ARHGAP24: variants seen among roughly 807,000 people sequenced by gnomAD.
ARHGAP24 encodes the protein Rho GTPase activating protein 24.
Under a neutral mutation model 76.4 loss-of-function variants are expected in ARHGAP24, and 50 were observed. That is an observed-to-expected ratio of 0.65 (90% confidence interval 0.52 to 0.83). ARHGAP24 has a LOEUF of 0.83. Ranked by LOEUF, ARHGAP24 falls within the 40% of genes least tolerant of loss-of-function variation. ARHGAP24 has a pLI of 0.00. For missense variants in ARHGAP24, 930 were observed against 914.2 expected (o/e 1.02, Z -0.22); for synonymous variants, 345 against 323.3 (o/e 1.07, Z -0.72).
At chr4:85,886,787 TACTCC>T (rs1378010288) in intron 3 of ARHGAP24, among the ~76,000 whole-genome samples, 1 of 152,156 alleles carries the variant, frequency 6.6e-6, no homozygotes, top group Non-Finnish European at 1.5e-5. Context: ...TTAACCCCTA[TACTCC>T]ACACTGATAT....
At chr4:85,749,803 G>T (rs1726188997) in intron 3 of ARHGAP24, among the ~76,000 whole-genome samples, 1 of 152,140 alleles carries the variant, frequency 6.6e-6, no homozygotes, top group African/African-American at 2.4e-5. Context: ...CTGACCTCAG[G>T]TGATTCACCC....
chr4:85,886,291 T>C (rs1218473833), intron 3 of ARHGAP24, among the ~76,000 whole-genome samples: 1 of 152,182 alleles, frequency 6.6e-6, no homozygotes, highest in Non-Finnish European at 1.5e-5. Flanking sequence ...CCATGTGAAA[T>C]ACAAAATGTG....
At chr4:85,774,868 C>T (rs1346572452) in intron 3 of ARHGAP24, among the ~76,000 whole-genome samples, 1 of 152,114 alleles carries the variant, frequency 6.6e-6, no homozygotes, top group Admixed American at 6.6e-5. Context: ...GTAGCTCATG[C>T]AGAAAGTATA....
intron 8 of ARHGAP24, among the ~76,000 whole-genome samples, chr4:85,980,158 A>G (rs1307732724): frequency 6.6e-6 from 1 of 152,248 alleles, no homozygotes; most frequent in East Asian, 1.9e-4. Context: ...GCTTAGTGCC[A>G]GTGATACTCA....
chr4:85,900,084 C>CA lies in ARHGAP24; in HGVS notation c.269-23562dup, dbSNP rs1321208184. Among the ~76,000 whole-genome samples the CA allele has an allele frequency of 9.2e-5, 14 of 152,266 alleles. No individual in the cohort carries two copies. In the East Asian group the frequency reaches 2.7e-3, roughly 29 times the overall value. On this transcript the variant is annotated intron_variant, in intron 3 of 9. Transcript: ENST00000395184. The stretch of plus-strand genomic sequence containing the variant: ...TTGTATATTAAAATGTTTATGCTGT[C>CA]AACCTGTGGTGCAAAGTAAAATTGA...
intron 2 of ARHGAP24, among the ~76,000 whole-genome samples, chr4:85,574,498 A>G (rs1015444319): frequency 1.3e-5 from 2 of 152,212 alleles, no homozygotes; most frequent in South Asian, 4.1e-4. Context: ...GAGGAAAGAC[A>G]TGGAGTTGTA....
chr4:85,577,796 T>C (rs1326113195), intron 2 of ARHGAP24, among the ~76,000 whole-genome samples: 17 of 152,190 alleles, frequency 1.1e-4, no homozygotes, highest in Admixed American at 3.3e-4. Flanking sequence ...TAATTTAACC[T>C]GAGAAATGAA....
At chr4:85,910,893 C>A (rs1560712264) in intron 3 of ARHGAP24, among the ~76,000 whole-genome samples, 1 of 152,186 alleles carries the variant, frequency 6.6e-6, no homozygotes, top group Non-Finnish European at 1.5e-5. Flanking sequence ...GGTGGGGCCT[C>A]ACCCGAGACC....
intron 4 of ARHGAP24, among the ~76,000 whole-genome samples, chr4:85,940,321 C>T (rs956501871): frequency 6.6e-6 from 1 of 151,790 alleles, no homozygotes; most frequent in African/African-American, 2.4e-5. Flanking sequence ...TTAGCCTTTC[C>T]CTTGTGATTG....
intron 3 of ARHGAP24, among the ~76,000 whole-genome samples, chr4:85,734,086 A>G (rs1418683129): frequency 6.6e-6 from 1 of 152,342 alleles, no homozygotes; most frequent in African/African-American, 2.4e-5. Context: ...TCACCACACT[A>G]TAATCCAGAA....
At chr4:85,899,395 T>C (rs1209632934) in intron 3 of ARHGAP24, among the ~76,000 whole-genome samples, 1 of 152,202 alleles carries the variant, frequency 6.6e-6, no homozygotes, top group Non-Finnish European at 1.5e-5. Context: ...ACCTTTTAGA[T>C]CCTAGTGTTG....
chr4:85,949,513 T>C (rs77767488), intron 5 of ARHGAP24, among the ~76,000 whole-genome samples: 4,419 of 152,310 alleles, frequency 0.029, 245 homozygotes, highest in African/African-American at 0.1. Flanking sequence ...GAATAGCCGA[T>C]GGCTGATTGA....
intron 2 of ARHGAP24, among the ~76,000 whole-genome samples, chr4:85,617,536 A>T (rs1358067159): frequency 6.6e-6 from 1 of 152,082 alleles, no homozygotes; most frequent in Non-Finnish European, 1.5e-5. Flanking sequence ...GAATTTGTAT[A>T]TAGTTATTGA....
intron 3 of ARHGAP24, among the ~76,000 whole-genome samples, chr4:85,755,026 T>C (rs192997136): frequency 1.5e-4 from 23 of 152,274 alleles, no homozygotes; most frequent in Admixed American, 1.1e-3. Flanking sequence ...CCTCTATAAG[T>C]TCTGCAAGCT....
intron 2 of ARHGAP24, among the ~76,000 whole-genome samples, chr4:85,696,949 T>A (rs184475388): frequency 3.8e-4 from 58 of 152,330 alleles, no homozygotes; most frequent in Non-Finnish European, 7.1e-4. Flanking sequence ...CAGAAGCTTT[T>A]TTCCTAGTAG....
intron 3 of ARHGAP24, among the ~76,000 whole-genome samples, chr4:85,907,404 CG>C (rs1231369480): frequency 6.6e-6 from 1 of 152,112 alleles, no homozygotes; most frequent in African/African-American, 2.4e-5. Context: ...CAGGAAAAGA[CG>C]TATTATCTTG....
intron 2 of ARHGAP24, among the ~76,000 whole-genome samples, chr4:85,626,429 T>C (rs533766641): frequency 7.2e-5 from 11 of 152,320 alleles, no homozygotes; most frequent in East Asian, 3.9e-4. Flanking sequence ...AGAGTTTCTG[T>C]CGAGAGATCT....
chr4:85,861,045 C>T (rs1225911112), intron 3 of ARHGAP24, among the ~76,000 whole-genome samples: 2 of 151,006 alleles, frequency 1.3e-5, no homozygotes, highest in African/African-American at 2.4e-5. Flanking sequence ...CAAACATAAT[C>T]CTCCCACTTC....
intron 1 of ARHGAP24, among the ~76,000 whole-genome samples, chr4:85,487,751 T>A (rs1172892405): frequency 6.7e-5 from 7 of 105,140 alleles, no homozygotes; most frequent in African/African-American, 2.4e-4. Flanking sequence ...TAATATATAT[T>A]TATTATATAT....
Sources: allele counts gnomAD v4.1 joint callset (sites outside exome capture counted in the v4.1 genomes callset), GRCh38; gene constraint gnomAD v4.1.1; transcripts MANE v1.5; gene names NCBI Gene and HGNC (gene_info 2026-07-23, HGNC 2026-07-21).